Variants in SCHIP1 observed in about 807,000 individuals in gnomAD.
The protein encoded by SCHIP1 is schwannomin-interacting protein 1.
In SCHIP1, 8 loss-of-function variants were observed where a neutral mutation model predicts 29.7. The observed-to-expected ratio is 0.27, with a 90% CI of 0.16 to 0.49. The LOEUF (loss-of-function observed/expected upper bound fraction) is 0.49, where lower values mean the gene tolerates loss of function less well. Among genes scored for constraint, SCHIP1 ranks in the 20% least tolerant of loss-of-function variants. The pLI is 0.99. For missense variants in SCHIP1, 193 were observed against 294.6 expected, an observed-to-expected ratio of 0.66 and a Z score of 2.52; for synonymous variants, 76 against 94.9, an observed-to-expected ratio of 0.80 and a Z score of 1.16.
chr3:159,488,126 T>G, the SCHIP1 span, among the ~76,000 whole-genome samples: 5 of 151,610 alleles, frequency 3.3e-5, no homozygotes, highest in Non-Finnish European at 7.4e-5. Context: ...CACTCACATG[T>G]GGGAGCAAAA....
the SCHIP1 span, among the ~76,000 whole-genome samples, chr3:159,453,914 C>A: frequency 1.5e-3 from 224 of 152,308 alleles, no homozygotes; most frequent in Middle Eastern, 3.4e-3. Context: ...CCCACTCTAC[C>A]CTGACCATCA....
chr3:159,578,334 A>G, the SCHIP1 span, among the ~76,000 whole-genome samples: 1 of 152,246 alleles, frequency 6.6e-6, no homozygotes, highest in Admixed American at 6.5e-5. Flanking sequence ...AGAAAAATAT[A>G]TAAAATAAGC....
the SCHIP1 span, among the ~76,000 whole-genome samples, chr3:159,392,585 A>G: frequency 6.6e-6 from 1 of 151,630 alleles, no homozygotes; most frequent in African/African-American, 2.4e-5. Flanking sequence ...TTCTTGTGAT[A>G]GTTTACTGAG....
exon 4 of SCHIP1, chr3:159,887,807 G>A (rs1373094869): frequency 1.2e-6 from 2 of 1,613,916 alleles, no homozygotes; most frequent in Non-Finnish European, 1.7e-6. Context: ...GAAATTGCAA[G>A]CTGAAGCCAA....
the SCHIP1 span, among the ~76,000 whole-genome samples, chr3:159,366,932 T>C: frequency 6.6e-6 from 1 of 152,218 alleles, no homozygotes; most frequent in Non-Finnish European, 1.5e-5. Flanking sequence ...AAAAAATATT[T>C]CAATGCCCCT....
the SCHIP1 span, among the ~76,000 whole-genome samples, chr3:159,627,158 C>T: frequency 3.3e-5 from 5 of 152,220 alleles, no homozygotes; most frequent in Admixed American, 6.5e-5. Context: ...TGTTAGTTTG[C>T]TGAGAATGAT....
the SCHIP1 span, among the ~76,000 whole-genome samples, chr3:159,792,519 A>G: frequency 6.6e-6 from 1 of 152,266 alleles, no homozygotes; most frequent in Non-Finnish European, 1.5e-5. Flanking sequence ...GTTTGGGTAC[A>G]GACTTTTTAG....
At chr3:159,828,564 G>A in the SCHIP1 span, among the ~76,000 whole-genome samples, 1 of 151,040 alleles carries the variant, frequency 6.6e-6, no homozygotes, top group African/African-American at 2.4e-5. Flanking sequence ...ATGAGAAAAT[G>A]TATCGTACTT....
At chr3:159,465,315 TTGTGTGTGTGTGTG>T in the SCHIP1 span, among the ~76,000 whole-genome samples, 1 of 148,276 alleles carries the variant, frequency 6.7e-6, no homozygotes, top group African/African-American at 2.5e-5. Flanking sequence ...ATGTGTATGA[TTGTGTGTGTGTGTG>T]TGTGTGTGTG....
the SCHIP1 span, among the ~76,000 whole-genome samples, chr3:159,449,552 G>C: frequency 2.0e-5 from 3 of 152,100 alleles, no homozygotes; most frequent in Non-Finnish European, 4.4e-5. Context: ...TAATACTTCA[G>C]AGGATATTTT....
At chr3:159,382,322 T>G in the SCHIP1 span, among the ~76,000 whole-genome samples, 1 of 151,114 alleles carries the variant, frequency 6.6e-6, no homozygotes. Flanking sequence ...GTGTTCTCAT[T>G]GTTCATTTCC....
the SCHIP1 span, among the ~76,000 whole-genome samples, chr3:159,452,036 G>C: frequency 6.6e-6 from 1 of 152,020 alleles, no homozygotes; most frequent in African/African-American, 2.4e-5. Context: ...GAATCATATG[G>C]GCCAAGTGGT....
chr3:159,305,388 G>T, the SCHIP1 span, among the ~76,000 whole-genome samples: 1 of 152,204 alleles, frequency 6.6e-6, no homozygotes, highest in Non-Finnish European at 1.5e-5. Flanking sequence ...AGGCTGACAG[G>T]TGTGAACTTC....
chr3:159,463,390 C>T, the SCHIP1 span, among the ~76,000 whole-genome samples: 68,777 of 151,714 alleles, frequency 0.45, 15,865 homozygotes, highest in East Asian at 0.63. Context: ...TATTTAAACA[C>T]AGCCACAATG....
the SCHIP1 span, among the ~76,000 whole-genome samples, chr3:159,432,298 G>C: frequency 1.4e-5 from 1 of 70,478 alleles, no homozygotes; most frequent in Non-Finnish European, 2.8e-5. Context: ...GTGTGTGTGT[G>C]TGTGTGTGTG....
the SCHIP1 span, among the ~76,000 whole-genome samples, chr3:159,394,810 C>A: frequency 6.6e-6 from 1 of 152,100 alleles, no homozygotes; most frequent in Non-Finnish European, 1.5e-5. Context: ...GCTTTGGTAT[C>A]AGAATGATGC....
chr3:159,577,319 C>T, the SCHIP1 span, among the ~76,000 whole-genome samples: 1 of 152,120 alleles, frequency 6.6e-6, no homozygotes, highest in Non-Finnish European at 1.5e-5. Context: ...ACACTCTGTG[C>T]TTTATCTTGC....
At chr3:159,652,396 C>T in the SCHIP1 span, among the ~76,000 whole-genome samples, 19 of 152,186 alleles carry the variant, frequency 1.2e-4, no homozygotes, top group African/African-American at 4.3e-4. Context: ...ATAAAACCAA[C>T]AGTCACTACA....
chr3:159,711,942 T>TTGCTGCTGCTGCTGCTGCTGC, the SCHIP1 span, among the ~76,000 whole-genome samples: 595 of 151,410 alleles, frequency 3.9e-3, 6 homozygotes, highest in Admixed American at 0.02. Flanking sequence ...TAGGAAGATA[T>TTGCTGCTGCTGCTGCTGCTGC]TGCTGCTGCT....
Sources: allele counts gnomAD v4.1 joint callset (sites outside exome capture counted in the v4.1 genomes callset), GRCh38; gene constraint gnomAD v4.1.1; transcripts MANE v1.5; gene names NCBI Gene and HGNC (gene_info 2026-07-23, HGNC 2026-07-21).